The following CEP128 variants were observed in gnomAD, a reference collection of about 807,000 sequenced individuals.
CEP128 encodes centrosomal protein 128kDa.
Under a neutral mutation model 156.7 loss-of-function variants are expected in CEP128, and 132 were observed. The ratio of observed to expected loss-of-function variants is 0.84; its 90% CI spans 0.73 to 0.97. The LOEUF (loss-of-function observed/expected upper bound fraction) is 0.97, where lower values mean the gene tolerates loss of function less well. CEP128 is among the 50% of genes least tolerant of loss of function. The probability of loss-of-function intolerance (pLI) is 0.00; values close to 1 mark genes in which losing one functional copy is unlikely to be tolerated. For missense variants in CEP128, 1,252 were observed against 1,281.9 expected (o/e 0.98, Z 0.36); for synonymous variants, 469 against 448.9 (o/e 1.04, Z -0.57).
chr14:80,870,823 A>T (rs1156956854), intron 8 of CEP128, among the ~76,000 whole-genome samples: 1 of 152,020 alleles, frequency 6.6e-6, no homozygotes, highest in Non-Finnish European at 1.5e-5. Context: ...TTTTCAGATG[A>T]CATGATCTTA....
chr14:80,513,287 T>C (rs546842535), intron 23 of CEP128, among the ~76,000 whole-genome samples: 8 of 152,324 alleles, frequency 5.3e-5, no homozygotes, highest in Non-Finnish European at 7.4e-5. Flanking sequence ...AATTTAAATA[T>C]GTCATGCCTG....
intron 6 of CEP128, among the ~76,000 whole-genome samples, chr14:80,491,419 G>A (rs1316646571): frequency 1.3e-5 from 2 of 152,028 alleles, no homozygotes; most frequent in African/African-American, 4.8e-5. Flanking sequence ...CAGAGGGGGG[G>A]AAAAAGAAAG....
chr14:80,625,203 G>A (rs1252254956), intron 19 of CEP128, among the ~76,000 whole-genome samples: 4 of 152,106 alleles, frequency 2.6e-5, no homozygotes, highest in Non-Finnish European at 5.9e-5. Flanking sequence ...CTTTATTAAC[G>A]AGACACATTG....
At chr14:80,792,202 G>A (rs527662048) in intron 14 of CEP128, among the ~76,000 whole-genome samples, 4 of 152,244 alleles carry the variant, frequency 2.6e-5, no homozygotes, top group African/African-American at 9.6e-5. Context: ...TATCAAAAGG[G>A]CATAAAAGCA....
chr14:80,506,444 G>A (rs1887979838), intron 23 of CEP128, among the ~76,000 whole-genome samples: 1 of 139,790 alleles, frequency 7.2e-6, no homozygotes, highest in African/African-American at 2.6e-5. Flanking sequence ...TTGGGCCTCT[G>A]TTTGGAGAAT....
At chr14:80,733,692 T>A (rs943931181) in intron 19 of CEP128, among the ~76,000 whole-genome samples, 1 of 152,200 alleles carries the variant, frequency 6.6e-6, no homozygotes, top group African/African-American at 2.4e-5. Context: ...AAGTTTTACA[T>A]AGAATATGTT....
chr14:80,690,213 C>G (rs2139302919), intron 19 of CEP128, among the ~76,000 whole-genome samples: 1 of 148,686 alleles, frequency 6.7e-6, no homozygotes, highest in African/African-American at 2.5e-5. Flanking sequence ...TCGAGACCAG[C>G]CTGACCAACA....
intron 23 of CEP128, among the ~76,000 whole-genome samples, chr14:80,507,447 G>C (rs1024677767): frequency 6.6e-6 from 1 of 152,220 alleles, no homozygotes; most frequent in African/African-American, 2.4e-5. Flanking sequence ...ACTAGCTACT[G>C]TAGTTCAGAT....
At chr14:80,855,163 T>G (rs942786294) in intron 9 of CEP128, among the ~76,000 whole-genome samples, 2 of 152,146 alleles carry the variant, frequency 1.3e-5, no homozygotes, top group African/African-American at 4.8e-5. Context: ...GTAGTACATG[T>G]GTGGTTGTCC....
In CEP128 at chr14:80,769,279, G is replaced by T. The variant is rs373210393; in HGVS notation, c.2377-7666C>A. Among the ~76,000 whole-genome samples, 1,263 of 138,996 alleles carry T rather than the reference G, an allele frequency of 9.1e-3. 16 individuals are homozygous for T. Among genetic ancestry groups the T allele is most frequent in the Non-Finnish European group, 0.011 (689 of 63,022 alleles). The allele number at this position is 138,996 out of a possible 152,430, so 91.2% of individuals were successfully genotyped here. On this transcript the variant is annotated intron_variant, in intron 16 of 24. Coordinates refer to ENST00000555265, the MANE Select transcript of CEP128 (RefSeq NM_152446.5). ...AGGATACTGAATTTTATTCTGAGTTGTTTTTTTTTTTAATTATACTTTAAG... is the reference window on the plus strand; with the variant it reads ...AGGATACTGAATTTTATTCTGAGTTTTTTTTTTTTTTAATTATACTTTAAG...
intron 18 of CEP128, among the ~76,000 whole-genome samples, chr14:80,755,967 A>C (rs149515500): frequency 1.4e-4 from 22 of 152,332 alleles, no homozygotes; most frequent in African/African-American, 5.3e-4. Flanking sequence ...AGCTATGATT[A>C]AGAATCATCT....
chr14:80,670,059 C>T (rs568117134), intron 19 of CEP128, among the ~76,000 whole-genome samples: 45 of 152,098 alleles, frequency 3.0e-4, no homozygotes, highest in African/African-American at 1.1e-3. Context: ...ATTTTGAAAC[C>T]ATCAGATCTG....
chr14:80,949,381 A>T (rs1272170807), intron 2 of CEP128, among the ~76,000 whole-genome samples: 1 of 152,176 alleles, frequency 6.6e-6, no homozygotes, highest in Non-Finnish European at 1.5e-5. Context: ...ACGTAGAGAG[A>T]AAACTTCCGA....
chr14:80,652,774 A>C (rs1894961829), intron 19 of CEP128, among the ~76,000 whole-genome samples: 3 of 152,336 alleles, frequency 2.0e-5, no homozygotes, highest in African/African-American at 7.2e-5. Flanking sequence ...TGTGGAAGAC[A>C]GTGTGGTGAT....
chr14:80,533,049 A>G (rs922328067), intron 21 of CEP128, among the ~76,000 whole-genome samples: 2 of 152,138 alleles, frequency 1.3e-5, no homozygotes, highest in Non-Finnish European at 2.9e-5. Flanking sequence ...ATTTTAAATG[A>G]CTTCATCTAA....
At chr14:80,772,240 C>T (rs529999831) in intron 16 of CEP128, among the ~76,000 whole-genome samples, 4 of 152,074 alleles carry the variant, frequency 2.6e-5, no homozygotes, top group Non-Finnish European at 5.9e-5. Context: ...ATATAAACCC[C>T]AAACCCCTGG....
chr14:80,706,045 G>A (rs374955554), intron 19 of CEP128, among the ~76,000 whole-genome samples: 5 of 152,200 alleles, frequency 3.3e-5, no homozygotes, highest in African/African-American at 9.6e-5. Context: ...ATGACCATTA[G>A]TAAATTAACA....
intron 18 of CEP128, among the ~76,000 whole-genome samples, chr14:80,754,576 C>T (rs1899552165): frequency 6.6e-6 from 1 of 150,958 alleles, no homozygotes; most frequent in South Asian, 2.1e-4. Flanking sequence ...AATTTGCCTG[C>T]CTCAGCCTCC....
chr14:80,942,688 A>G (rs1346320263), upstream of CEP128, among the ~76,000 whole-genome samples: 1 of 152,068 alleles, frequency 6.6e-6, no homozygotes, highest in South Asian at 2.1e-4. Context: ...GGTCCCCTCT[A>G]TTAGCCCTTC....
Sources: gnomAD v4.1 joint callset for allele counts (sites outside exome capture counted in the v4.1 genomes callset) on GRCh38, gnomAD v4.1.1 for gene constraint, MANE v1.5 for transcripts, NCBI Gene and HGNC (gene_info 2026-07-23, HGNC 2026-07-21) for gene names.